The following CMTM8 variants were observed in gnomAD, a reference collection of about 807,000 sequenced individuals.
The protein encoded by CMTM8 is CKLF like MARVEL transmembrane domain containing 8.
In CMTM8, 12 loss-of-function variants were observed where a neutral mutation model predicts 18.6. That is an observed-to-expected ratio of 0.65 (90% CI 0.41 to 1.05). The LOEUF is 1.05. CMTM8 is among the 50% of genes least tolerant of loss of function. The pLI is 0.00. For synonymous variants in CMTM8, 87 were observed against 90.6 expected (o/e 0.96, Z 0.23); for missense variants, 217 against 227.2 (o/e 0.95, Z 0.29).
chr3:32,298,882 C>CAT lies in CMTM8; in HGVS notation c.148-58483_148-58482dup, dbSNP rs548404954. Among the ~76,000 whole-genome samples, 1,099 of 142,802 alleles carry CAT rather than the reference C, an allele frequency of 7.7e-3. 13 individuals carry two copies. Among genetic ancestry groups the CAT allele is most frequent in the African/African-American group, 0.027 (1,043 of 38,828 alleles). 93.7% of individuals were successfully genotyped at this position (142,802 alleles called of 152,430 possible). A position where few individuals can be genotyped will look rare whatever the true frequency, so the allele number is the denominator to read the frequency against. The stretch of plus-strand genomic sequence containing the variant: ...ACACACATATATATACACACACATA[C>CAT]ATATATATACACACATACACACACA... On this transcript the variant is annotated intron_variant, in intron 1 of 3. Coordinates refer to ENST00000307526, the MANE Select transcript of CMTM8 (RefSeq NM_178868.5).
At chr3:32,304,486 T>C (rs1171267693) in intron 1 of CMTM8, among the ~76,000 whole-genome samples, 1 of 152,226 alleles carries the variant, frequency 6.6e-6, no homozygotes, top group Non-Finnish European at 1.5e-5. Context: ...TTTATTTGTA[T>C]AGTTACAAGA....
intron 1 of CMTM8, among the ~76,000 whole-genome samples, chr3:32,313,049 C>G (rs568985165): frequency 1.3e-5 from 2 of 152,098 alleles, no homozygotes; most frequent in South Asian, 2.1e-4. Flanking sequence ...TATTATATCA[C>G]AGTATCACAC....
intron 1 of CMTM8, among the ~76,000 whole-genome samples, chr3:32,351,175 G>A (rs972955037): frequency 2.6e-5 from 4 of 152,194 alleles, no homozygotes; most frequent in Admixed American, 1.3e-4. Context: ...TAAAGATTCC[G>A]GAAACTGCCA....
chr3:32,276,960 G>A (rs1385054059), intron 1 of CMTM8, among the ~76,000 whole-genome samples: 1 of 151,792 alleles, frequency 6.6e-6, no homozygotes, highest in East Asian at 1.9e-4. Flanking sequence ...CAATCATAGT[G>A]CCCTGCATCC....
intron 1 of CMTM8, among the ~76,000 whole-genome samples, chr3:32,273,252 G>A (rs971133510): frequency 6.6e-6 from 1 of 151,710 alleles, no homozygotes; most frequent in Non-Finnish European, 1.5e-5. Flanking sequence ...GTGAGCCACT[G>A]TGCCCAGCTA....
chr3:32,331,240 A>C (rs535144418), intron 1 of CMTM8, among the ~76,000 whole-genome samples: 1 of 152,326 alleles, frequency 6.6e-6, no homozygotes, highest in South Asian at 2.1e-4. Flanking sequence ...GTCATTAGGA[A>C]AATGCAAATC....
intron 1 of CMTM8, among the ~76,000 whole-genome samples, chr3:32,267,488 C>A (rs564548850): frequency 1.3e-5 from 2 of 152,168 alleles, no homozygotes; most frequent in African/African-American, 4.8e-5. Context: ...GGCCTAAAAC[C>A]ATAAAAACCC....
chr3:32,289,015 G>A (rs988406486), intron 1 of CMTM8, among the ~76,000 whole-genome samples: 4 of 152,026 alleles, frequency 2.6e-5, no homozygotes, highest in Admixed American at 6.6e-5. Flanking sequence ...CTTTTTTACC[G>A]GAAGTCACAA....
chr3:32,289,928 C>T (rs565943372), intron 1 of CMTM8, among the ~76,000 whole-genome samples: 1 of 152,058 alleles, frequency 6.6e-6, no homozygotes, highest in Non-Finnish European at 1.5e-5. Flanking sequence ...CTTAGAAGTT[C>T]AAGGTCAGCC....
At chr3:32,240,343 G>A (rs2125525049) in intron 1 of CMTM8, among the ~76,000 whole-genome samples, 1 of 152,320 alleles carries the variant, frequency 6.6e-6, no homozygotes, top group Admixed American at 6.5e-5. Flanking sequence ...GAGTATTGAG[G>A]ACTTCAGGAG....
At position 32,275,644 on chromosome 3, in the gene CMTM8, CT is replaced by C. The variant is rs771943263; in HGVS notation, c.147+36547del. ...AGCACAAAGGCCCCCCATGTACTTCCTTTTTTTTTTTTTTTTTTTTTTGGGG... is the reference window on the plus strand; with the variant it reads ...AGCACAAAGGCCCCCCATGTACTTCCTTTTTTTTTTTTTTTTTTTTTGGGG... On this transcript the variant is annotated intron_variant, in intron 1 of 3. Coordinates refer to ENST00000307526, the MANE Select transcript of CMTM8 (RefSeq NM_178868.5). 0.037 allele frequency among the ~76,000 whole-genome samples: 2,861 copies of C among 78,104 alleles called. 220 individuals are homozygous for C. In the East Asian group the frequency reaches 0.43, roughly 12 times the overall value. The allele number at this position is 78,104 out of a possible 152,430, so 51.2% of individuals were successfully genotyped here. A position where few individuals can be genotyped will look rare whatever the true frequency, so the allele number is the denominator to read the frequency against.
chr3:32,324,741 A>C (rs1477011559), intron 1 of CMTM8, among the ~76,000 whole-genome samples: 3 of 152,238 alleles, frequency 2.0e-5, no homozygotes, highest in African/African-American at 7.2e-5. Flanking sequence ...CCTGAGAATC[A>C]AACTGACATC....
At chr3:32,366,850 GA>G (rs1697048135) in intron 2 of CMTM8, among the ~76,000 whole-genome samples, 1 of 104,690 alleles carries the variant, frequency 9.6e-6, no homozygotes, top group Non-Finnish European at 2.2e-5. Flanking sequence ...TCGGCAGCCT[GA>G]CCCTGGGTCT....
intron 1 of CMTM8, among the ~76,000 whole-genome samples, chr3:32,313,416 C>T (rs1695859600): frequency 1.3e-5 from 2 of 152,212 alleles, no homozygotes; most frequent in South Asian, 4.1e-4. Context: ...CAGGCTCCCA[C>T]CTCAGCCTCC....
chr3:32,279,449 A>G (rs1702573580), intron 1 of CMTM8, among the ~76,000 whole-genome samples: 1 of 109,110 alleles, frequency 9.2e-6, no homozygotes, highest in African/African-American at 3.7e-5. Flanking sequence ...TGTTCTTGCG[A>G]TAGTTTACTG....
intron 1 of CMTM8, among the ~76,000 whole-genome samples, chr3:32,348,421 G>A (rs73824693): frequency 0.081 from 12,292 of 151,308 alleles, 608 homozygotes; most frequent in East Asian, 0.18. Context: ...GTCCTTTTAT[G>A]TAGAAATTCA....
chr3:32,330,780 A>G (rs1331168149), intron 1 of CMTM8, among the ~76,000 whole-genome samples: 1 of 152,224 alleles, frequency 6.6e-6, no homozygotes, highest in African/African-American at 2.4e-5. Context: ...GGAAAACTGG[A>G]TATCCACATG....
At chr3:32,359,505 G>A (rs974005923) in intron 2 of CMTM8, among the ~76,000 whole-genome samples, 4 of 152,104 alleles carry the variant, frequency 2.6e-5, no homozygotes, top group South Asian at 2.1e-4. Flanking sequence ...CAGGAGAATC[G>A]CTCGAACCCA....
chr3:32,293,061 G>C (rs1427722595), intron 1 of CMTM8, among the ~76,000 whole-genome samples: 1 of 136,512 alleles, frequency 7.3e-6, no homozygotes, highest in Non-Finnish European at 1.6e-5. Context: ...TATATGATGT[G>C]TGTATATATG....
Sources: gnomAD v4.1 joint callset for allele counts (sites outside exome capture counted in the v4.1 genomes callset) on GRCh38, gnomAD v4.1.1 for gene constraint, MANE v1.5 for transcripts, NCBI Gene and HGNC (gene_info 2026-07-23, HGNC 2026-07-21) for gene names.